CACUL1: variants seen among roughly 807,000 people sequenced by gnomAD.
CACUL1 encodes the protein CDK2-associated and cullin domain-containing protein 1.
In CACUL1, 13 loss-of-function variants were observed where a neutral mutation model predicts 45.2. That is an observed-to-expected ratio of 0.29 (90% CI 0.19 to 0.46). The LOEUF is 0.46. CACUL1 is among the 20% of genes least tolerant of loss of function. The pLI is 1.00. For synonymous variants in CACUL1, 197 were observed against 174.2 expected (o/e 1.13, Z -1.03); for missense variants, 421 against 471.4 (o/e 0.89, Z 0.99).
chr10:118,682,409 GA>G lies in CACUL1; in HGVS notation c.*3718del, dbSNP rs1302598072. 6 of 152,314 alleles carry G rather than the reference GA, an allele frequency of 3.9e-5. No individual in the cohort carries two copies. The highest frequency in any genetic ancestry group is 1.4e-4 in the African/African-American group (6 of 41,452). The allele number at this position is 152,314 out of a possible 1,614,324, so 9.4% of individuals were successfully genotyped here. On this transcript the variant is annotated 3_prime_UTR_variant, in exon 9 of 9. Coordinates refer to ENST00000369151, the MANE Select transcript of CACUL1 (RefSeq NM_153810.5). ...CTGCTATAAAACGGGAAAAAAAGTA[GA>G]AGAAAATAAAGCCAGCCTCAATAAT...
At chr10:118,698,642 A>AC (rs947363233) in intron 5 of CACUL1, among the ~76,000 whole-genome samples, 113 of 152,142 alleles carry the variant, frequency 7.4e-4, no homozygotes, top group African/African-American at 2.7e-3. Context: ...GCTAGCACCA[A>AC]CCTACCAGCC....
rs1038542068 is a variant in CACUL1 at position 118,697,575 on chromosome 10, G to A, written c.797-2345C>T. On this transcript the variant is annotated intron_variant, in intron 5 of 8. Transcript: ENST00000369151. ...CCTCTGCTCTTTCAAGTATTCCTCAGTGCTACACACTTGCTCAGGAGACTC... is the reference window on the plus strand; with the variant it reads ...CCTCTGCTCTTTCAAGTATTCCTCAATGCTACACACTTGCTCAGGAGACTC... 9.2e-5 allele frequency among the ~76,000 whole-genome samples: 14 copies of A among 152,228 alleles called. 1 individual carries two copies. Among genetic ancestry groups the A allele is most frequent in the African/African-American group, 3.4e-4 (14 of 41,446 alleles).
At chr10:118,724,240 G>T (rs1845629797) in intron 3 of CACUL1, among the ~76,000 whole-genome samples, 1 of 152,158 alleles carries the variant, frequency 6.6e-6, no homozygotes, top group Non-Finnish European at 1.5e-5. Flanking sequence ...AAATTTCTCA[G>T]CTCATTAGCC....
intron 5 of CACUL1, among the ~76,000 whole-genome samples, chr10:118,698,223 A>C (rs1845342436): frequency 6.7e-6 from 1 of 149,122 alleles, no homozygotes; most frequent in Non-Finnish European, 1.5e-5. Context: ...GGCTCACTGC[A>C]ACCTCTGACT....
At position 118,700,304 on chromosome 10, in the gene CACUL1, G is replaced by A. The variant is rs114828689; in HGVS notation, c.796+1002C>T. Among the ~76,000 whole-genome samples the A allele has an allele frequency of 7.5e-3, 1,144 of 152,228 alleles. 16 individuals are homozygous for A. The highest frequency in any genetic ancestry group is 0.025 in the African/African-American group (1,042 of 41,520). ...CATAAGATAGGAGCTTTAAAAGGAC[G>A]CTGAGGACACTGAGACATTAGGTTA... On this transcript the variant is annotated intron_variant, in intron 5 of 8. Coordinates refer to ENST00000369151, the MANE Select transcript of CACUL1 (RefSeq NM_153810.5).
intron 1 of CACUL1, among the ~76,000 whole-genome samples, chr10:118,731,619 C>T (rs1845698447): frequency 6.6e-6 from 1 of 152,046 alleles, no homozygotes; most frequent in Admixed American, 6.6e-5. Flanking sequence ...TCTAAGAGTC[C>T]CATTTACATG....
At chr10:118,740,372 G>A (rs1459647181) in intron 1 of CACUL1, among the ~76,000 whole-genome samples, 1 of 151,910 alleles carries the variant, frequency 6.6e-6, no homozygotes, top group African/African-American at 2.4e-5. Context: ...CACTTTGGGA[G>A]GCCAACTCAG....
At chr10:118,718,170 A>G (rs895646768) in intron 3 of CACUL1, among the ~76,000 whole-genome samples, 4 of 152,202 alleles carry the variant, frequency 2.6e-5, no homozygotes, top group African/African-American at 9.7e-5. Context: ...AAGGTCAGCA[A>G]CCATTTTCAG....
intron 1 of CACUL1, among the ~76,000 whole-genome samples, chr10:118,737,307 AAACAC>A: frequency 6.6e-6 from 1 of 152,222 alleles, no homozygotes. Context: ...AATTCAATTT[AAACAC>A]TATGGACAAT....
intron 3 of CACUL1, chr10:118,729,036 G>A: frequency 6.0e-6 from 2 of 331,500 alleles, no homozygotes; most frequent in Non-Finnish European, 5.5e-6. Context: ...TTAAATAAAA[G>A]AAATGTTGAC....
At chr10:118,730,147 G>C in intron 2 of CACUL1, 137 bp downstream of exon 2, 1 of 961,322 alleles carries the variant, frequency 1.0e-6, no homozygotes. Flanking sequence ...CCTCCAATCC[G>C]TAAGTGTGGA....
intron 1 of CACUL1, among the ~76,000 whole-genome samples, chr10:118,737,953 T>A (rs917885201): frequency 3.9e-5 from 6 of 152,230 alleles, no homozygotes; most frequent in African/African-American, 1.4e-4. Flanking sequence ...CAGAAAAGTA[T>A]CTGCTCAACT....
At chr10:118,754,267 G>C in intron 1 of CACUL1, 129 bp downstream of exon 1, 1 of 1,356,694 alleles carries the variant, frequency 7.4e-7, no homozygotes, top group Non-Finnish European at 9.7e-7. Context: ...GGGAGGCGAA[G>C]GCGGACGGGG....
chr10:118,690,403 T>C (rs1480234714), intron 7 of CACUL1, among the ~76,000 whole-genome samples: 2 of 151,714 alleles, frequency 1.3e-5, no homozygotes, highest in Admixed American at 6.6e-5. Flanking sequence ...TATTTTCTCA[T>C]GGGGAATCAC....
At chr10:118,752,384 G>C (rs544398432) in intron 1 of CACUL1, among the ~76,000 whole-genome samples, 1 of 152,210 alleles carries the variant, frequency 6.6e-6, no homozygotes, top group South Asian at 2.1e-4. Flanking sequence ...CTAGTTGAAT[G>C]ATTTCAGGGC....
chr10:118,699,756 CT>C (rs1845359596), intron 5 of CACUL1, among the ~76,000 whole-genome samples: 1 of 152,148 alleles, frequency 6.6e-6, no homozygotes, highest in African/African-American at 2.4e-5. Flanking sequence ...GCCATTCCCC[CT>C]GCCTCAGCCT....
rs1845138563 is a variant in CACUL1 at position 118,680,052 on chromosome 10, T to C, written c.*6076A>G. On this transcript the variant is annotated 3_prime_UTR_variant, in exon 9 of 9. Transcript: ENST00000369151. ...CAATTTAGGGAGGGAGAGGGCTTAA[T>C]AAAGGAAAACAGATTAAAAAAAAAA... The C allele has an allele frequency of 6.6e-6, 1 of 151,922 alleles. No homozygotes were observed. Among genetic ancestry groups the C allele is most frequent in the African/African-American group, 2.4e-5 (1 of 41,340 alleles). The allele number at this position is 151,922 out of a possible 1,614,324, so 9.4% of individuals were successfully genotyped here.
At chr10:118,715,957 C>G (rs959640931) in intron 3 of CACUL1, among the ~76,000 whole-genome samples, 1 of 152,188 alleles carries the variant, frequency 6.6e-6, no homozygotes, top group East Asian at 1.9e-4. Flanking sequence ...CCACTACCGG[C>G]TGGGCGCGGT....
chr10:118,686,829 C>G, intron 7 of CACUL1, 188 bp from the exon 8 acceptor site: 1 of 595,048 alleles, frequency 1.7e-6, no homozygotes, highest in Non-Finnish European at 3.0e-6. Flanking sequence ...AGAACATGAG[C>G]CTTTACCTGT....
Sources: gnomAD v4.1 joint callset for allele counts (sites outside exome capture counted in the v4.1 genomes callset) on GRCh38, gnomAD v4.1.1 for gene constraint, MANE v1.5 for transcripts, NCBI Gene and HGNC (gene_info 2026-07-23, HGNC 2026-07-21) for gene names.